ICA1: variants seen among roughly 807,000 people sequenced by gnomAD.
The protein encoded by ICA1 is 69 kDa islet cell autoantigen.
ICA1 carries 40 observed loss-of-function variants against 71.0 expected under a neutral mutation model. That is an observed-to-expected ratio of 0.56 (90% CI 0.44 to 0.73). ICA1 has a LOEUF of 0.73. Ranked by LOEUF, ICA1 falls within the 30% of genes least tolerant of loss-of-function variation. The pLI is 0.00. For synonymous variants in ICA1, 207 were observed against 209.5 expected (o/e 0.99, Z 0.10); for missense variants, 578 against 576.5 (o/e 1.00, Z -0.03).
At chr7:8,146,880 A>ACACG (rs1554289656) in intron 8 of ICA1, among the ~76,000 whole-genome samples, 1 of 80,690 alleles carries the variant, frequency 1.2e-5, no homozygotes, top group East Asian at 4.6e-4. Context: ...ACACACACAC[A>ACACG]CGCACACACA....
chr7:8,178,848 A>T (rs1312960703), intron 6 of ICA1, among the ~76,000 whole-genome samples: 1 of 152,130 alleles, frequency 6.6e-6, no homozygotes, highest in Non-Finnish European at 1.5e-5. Context: ...TTGTCATCAT[A>T]GGCCTGACAG....
Position 8,239,910 on chromosome 7 carries a change from C to T in ICA1, c.-79-3905G>A, listed in dbSNP as rs142999670. On this transcript the variant is annotated intron_variant, in intron 1 of 13. Coordinates refer to ENST00000402384, the MANE Select transcript of ICA1 (RefSeq NM_001136020.3). The stretch of plus-strand genomic sequence containing the variant: ...AGCGGCCAGGGAAGCTTGAACTGGG[C>T]GGAACCCACTGCAGCTCAGCAAGGC... Among the ~76,000 whole-genome samples the T allele has an allele frequency of 3.8e-3, 583 of 152,304 alleles. 2 individuals carry two copies. The highest frequency in any genetic ancestry group is 0.013 in the African/African-American group (547 of 41,572).
intron 7 of ICA1, 94 bp downstream of exon 7, chr7:8,158,433 A>G: frequency 1.3e-6 from 2 of 1,511,764 alleles, no homozygotes; most frequent in South Asian, 1.2e-5. Context: ...GAACTTCACA[A>G]TGGCCAAAGC....
chr7:8,131,862 A>T (rs1791561780), intron 12 of ICA1, among the ~76,000 whole-genome samples: 1 of 152,232 alleles, frequency 6.6e-6, no homozygotes, highest in South Asian at 2.1e-4. Context: ...ACACATGCAG[A>T]GATGTGATAA....
chr7:8,137,964 C>A (rs766122271), intron 12 of ICA1, among the ~76,000 whole-genome samples: 9 of 152,142 alleles, frequency 5.9e-5, no homozygotes, highest in Non-Finnish European at 1.3e-4. Flanking sequence ...AGTCTGTAGT[C>A]CTGTGAGAAA....
At chr7:8,188,942 T>C (rs889643200) in intron 6 of ICA1, among the ~76,000 whole-genome samples, 10 of 152,136 alleles carry the variant, frequency 6.6e-5, no homozygotes, top group African/African-American at 2.2e-4. Flanking sequence ...GTTAGGATGG[T>C]AGATGCAGAA....
chr7:8,212,230 G>C (rs780491241), intron 6 of ICA1, among the ~76,000 whole-genome samples: 3 of 152,078 alleles, frequency 2.0e-5, no homozygotes, highest in Non-Finnish European at 4.4e-5. Flanking sequence ...TCCTTCTCCA[G>C]TATCGACACT....
Position 8,144,660 on chromosome 7 carries a change from T to G in ICA1, c.805-688A>C, listed in dbSNP as rs1016252995. Among the ~76,000 whole-genome samples the G allele has an allele frequency of 6.6e-6, 1 of 151,726 alleles. No individual in the cohort carries two copies. Among genetic ancestry groups the G allele is most frequent in the Non-Finnish European group, 1.5e-5 (1 of 67,954 alleles). ...TAAGTTTTTTTTTTTAAACAGCAAG[T>G]GCCTAGAAACTGTATACCAGTGACA... On this transcript the variant is annotated intron_variant, in intron 8 of 13. Coordinates refer to ENST00000402384, the MANE Select transcript of ICA1 (RefSeq NM_001136020.3). The surrounding 1 kb of genome is among the most constrained non-coding windows in gnomAD (Gnocchi z 4.5).
At chr7:8,209,664 G>A (rs1217078106) in intron 6 of ICA1, among the ~76,000 whole-genome samples, 1 of 152,128 alleles carries the variant, frequency 6.6e-6, no homozygotes, top group East Asian at 1.9e-4. Flanking sequence ...CTACCAAGTG[G>A]CAGGCTAAGA....
At chr7:8,135,275 T>C (rs140552265) in intron 12 of ICA1, among the ~76,000 whole-genome samples, 2 of 152,172 alleles carry the variant, frequency 1.3e-5, no homozygotes, top group African/African-American at 4.8e-5. Context: ...GATCCGCCCA[T>C]CTTGTCCTCC....
At chr7:8,165,446 C>A (rs1291985255) in intron 6 of ICA1, among the ~76,000 whole-genome samples, 1 of 152,186 alleles carries the variant, frequency 6.6e-6, no homozygotes, top group African/African-American at 2.4e-5. Flanking sequence ...TCTCAGCATT[C>A]CCCTTGAAAA....
intron 6 of ICA1, among the ~76,000 whole-genome samples, chr7:8,206,733 GAAAA>G (rs60704635): frequency 0.064 from 8,664 of 135,192 alleles, 252 homozygotes; most frequent in African/African-American, 0.13. Flanking sequence ...GGTTTAAAAT[GAAAA>G]AAAAAAAAAA....
intron 1 of ICA1, among the ~76,000 whole-genome samples, chr7:8,247,146 T>C (rs1806346721): frequency 6.6e-6 from 1 of 152,174 alleles, no homozygotes. Flanking sequence ...CATTACTTGC[T>C]AGAGCCATTT....
intron 1 of ICA1, among the ~76,000 whole-genome samples, chr7:8,259,536 G>A (rs1811493998): frequency 1.3e-5 from 2 of 152,162 alleles, no homozygotes; most frequent in South Asian, 4.1e-4. Context: ...CATATGTTTA[G>A]CATGTGAAAA....
At chr7:8,237,592 A>G (rs1802256318) in intron 1 of ICA1, among the ~76,000 whole-genome samples, 1 of 151,868 alleles carries the variant, frequency 6.6e-6, no homozygotes, top group Admixed American at 6.6e-5. Flanking sequence ...ACAACTCCCC[A>G]TTTTCCCCTC....
intron 6 of ICA1, among the ~76,000 whole-genome samples, chr7:8,197,132 T>A (rs1787891622): frequency 6.7e-6 from 1 of 148,586 alleles, no homozygotes; most frequent in Non-Finnish European, 1.5e-5. Context: ...TGGGAAGGGG[T>A]AAAAAAGACA....
chr7:8,195,159 AAAC>A (rs1203526870), intron 6 of ICA1, among the ~76,000 whole-genome samples: 1 of 152,256 alleles, frequency 6.6e-6, no homozygotes, highest in Admixed American at 6.5e-5. Context: ...CTGCAAATTA[AAAC>A]AACAATGAGA....
intron 13 of ICA1, among the ~76,000 whole-genome samples, chr7:8,117,089 C>A (rs1221340308): frequency 6.6e-6 from 1 of 152,144 alleles, no homozygotes; most frequent in Non-Finnish European, 1.5e-5. Flanking sequence ...ATAAGGAGCT[C>A]TTCCCCATTT....
At position 8,158,566 on chromosome 7, in the gene ICA1, G is replaced by A; in HGVS notation, c.666C>T (p.Ser222=). 1.2e-6 allele frequency: 2 copies of A among 1,614,088 alleles called. No homozygotes were observed. Among genetic ancestry groups the A allele is most frequent in the Non-Finnish European group, 1.7e-6 (2 of 1,179,974 alleles). The part of the protein sequence containing the change: ...VCQKVDLLGA[S]RCNLLSHMLA... ...GCATGTGAGACAAGAGATTGCATCT[G>A]CTCGCTCCAAGAAGATCCACTTTTT... The change falls in exon 7 of 14, where the codon AGC becomes AGT. Residue 222 remains serine (S), a synonymous_variant. Transcript: ENST00000402384.
Sources: allele counts gnomAD v4.1 joint callset (sites outside exome capture counted in the v4.1 genomes callset), GRCh38; gene constraint gnomAD v4.1.1; non-coding constraint Gnocchi (gnomAD v3.1); transcripts MANE v1.5; gene names NCBI Gene and HGNC (gene_info 2026-07-23, HGNC 2026-07-21).